Variants in GATA4 observed in about 807,000 individuals in gnomAD.
GATA4 encodes GATA binding protein 4.
GATA4 carries 7 observed loss-of-function variants against 37.9 expected under a neutral mutation model. The observed-to-expected ratio is 0.18, with a 90% CI of 0.11 to 0.35. The LOEUF (loss-of-function observed/expected upper bound fraction) is 0.35. Ranked by LOEUF, GATA4 falls within the 10% of genes least tolerant of loss-of-function variation. The pLI, the probability that GATA4 is intolerant of heterozygous loss-of-function variation, is 1.00. For synonymous variants in GATA4, 372 were observed against 292.6 expected (o/e 1.27, Z -2.77); for missense variants, 647 against 653.0 (o/e 0.99, Z 0.10).
intron 2 of GATA4, among the ~76,000 whole-genome samples, chr8:11,711,602 A>AC (rs753766144): frequency 4.6e-5 from 7 of 151,860 alleles, no homozygotes; most frequent in Non-Finnish European, 7.4e-5. Context: ...ACATAGTGAG[A>AC]CCCCATCCCT....
intron 1 of GATA4, among the ~76,000 whole-genome samples, chr8:11,687,163 AT>A (rs993222156): frequency 1.4e-4 from 22 of 152,050 alleles, no homozygotes; most frequent in African/African-American, 5.3e-4. Flanking sequence ...GAGGGAAGAG[AT>A]TTCCCTTGCC....
At chr8:11,710,782 GGAAAAGAGA>G (rs1415237227) in intron 2 of GATA4, among the ~76,000 whole-genome samples, 4 of 150,726 alleles carry the variant, frequency 2.7e-5, no homozygotes, top group Non-Finnish European at 5.9e-5. Context: ...GTTTGGTTAA[GGAAAAGAGA>G]GAAGTTAAAA....
In GATA4 at chr8:11,708,598, G is replaced by C; in HGVS notation, c.286G>C (p.Gly96Arg). Residue 96 changes from glycine to arginine, a missense_variant, in exon 2 of 7, where the codon GGA (glycine) becomes CGA (arginine). Transcript: ENST00000532059. This position sits in a 1 kb window ranked among gnomAD's most constrained non-coding sequence, Gnocchi z 6.7. Reference sequence around the variant, plus strand: ...GGGATGGAGCCAGGCGGGAGCCGACGGAGCCGCTTACACCCCGCCGCCGGT... The same window carrying C: ...GGGATGGAGCCAGGCGGGAGCCGACCGAGCCGCTTACACCCCGCCGCCGGT... ...SPGWSQAGAD[G>R]AAYTPPPVSP... 7.4e-7 allele frequency: 1 copy of C among 1,358,342 alleles called. No individual in the cohort carries two copies. The highest frequency in any genetic ancestry group is 1.9e-5 in the South Asian group (1 of 53,914). The allele number at this position is 1,358,342 out of a possible 1,614,324, so 84.1% of individuals were successfully genotyped here. A position where few individuals can be genotyped will look rare whatever the true frequency, so the allele number is the denominator to read the frequency against.
intron 2 of GATA4, among the ~76,000 whole-genome samples, chr8:11,742,970 G>A (rs1801827254): frequency 6.6e-6 from 1 of 152,240 alleles, no homozygotes; most frequent in African/African-American, 2.4e-5. Context: ...TGCCCAGTCT[G>A]GGCTGGGGTC....
intron 2 of GATA4, among the ~76,000 whole-genome samples, chr8:11,735,596 C>G (rs752650025): frequency 1.3e-5 from 2 of 152,122 alleles, no homozygotes; most frequent in Non-Finnish European, 2.9e-5. Context: ...GAGTTTTGCT[C>G]TTATTGCCCA....
chr8:11,699,528 A>G (rs541070698), upstream of GATA4, among the ~76,000 whole-genome samples: 1 of 152,360 alleles, frequency 6.6e-6, no homozygotes, highest in South Asian at 2.1e-4. Flanking sequence ...TCAGGCTGCC[A>G]TTGTCTCCAG....
rs532832460 is a variant in GATA4 at position 11,752,260 on chromosome 8, C to A, written c.912+2024C>A. On this transcript the variant is annotated intron_variant, in intron 4 of 6. Coordinates refer to ENST00000532059, the MANE Select transcript of GATA4 (RefSeq NM_001308093.3). ...ACAGACCAGTGGATGGGTGAACACA[C>A]ACACACAAATATACACGTATAGGTG... is the stretch of plus-strand genomic sequence containing the variant. Among the ~76,000 whole-genome samples the A allele has an allele frequency of 6.3e-4, 96 of 152,258 alleles. 1 individual carries two copies. Among genetic ancestry groups the A allele is most frequent in the African/African-American group, 2.3e-3 (95 of 41,542 alleles).
intron 2 of GATA4, among the ~76,000 whole-genome samples, chr8:11,712,920 C>T (rs1004657526): frequency 6.6e-5 from 10 of 152,024 alleles, no homozygotes; most frequent in African/African-American, 2.4e-4. Context: ...TTGTGTAGTA[C>T]CATGAAATAA....
intron 1 of GATA4, among the ~76,000 whole-genome samples, chr8:11,679,714 G>A (rs966387009): frequency 1.3e-5 from 2 of 152,204 alleles, no homozygotes; most frequent in African/African-American, 4.8e-5. Context: ...TCCTAGCCCT[G>A]CACTGAGGTT....
Position 11,708,534 on chromosome 8 carries a change from C to G in GATA4, c.222C>G (p.Ala74=). 3 of 1,443,890 alleles carry G rather than the reference C, an allele frequency of 2.1e-6. No individual in the cohort carries two copies. The highest frequency in any genetic ancestry group is 2.7e-6 in the Non-Finnish European group (3 of 1,105,820). 89.4% of individuals were successfully genotyped at this position (1,443,890 alleles called of 1,614,324 possible). Residue 74 remains alanine (A), a synonymous_variant, in exon 2 of 7, where the codon GCC becomes GCG. Transcript: ENST00000532059. This position sits in a 1 kb window ranked among gnomAD's most constrained non-coding sequence, Gnocchi z 6.7. ...CCTCGGGCGGCAGCTCCGGTGGGGC[C>G]GCGTCTGGTGCGGGGCCCGGGACCC... ...GGASGGSSGG[A]ASGAGPGTQQ...
intron 1 of GATA4, among the ~76,000 whole-genome samples, chr8:11,683,520 C>A (rs565713327): frequency 6.6e-6 from 1 of 152,138 alleles, no homozygotes; most frequent in South Asian, 2.1e-4. Flanking sequence ...CAACTTTCAC[C>A]GTATTCCTTG....
chr8:11,681,234 G>C, intron 1 of GATA4: 1 of 985,356 alleles, frequency 1.0e-6, no homozygotes, highest in Non-Finnish European at 1.2e-6. Flanking sequence ...TCGACGTTTG[G>C]GGACTTACAG....
intron 1 of GATA4, chr8:11,683,218 G>A: frequency 1.3e-6 from 1 of 790,016 alleles, no homozygotes. Context: ...GCATTTATCC[G>A]GAGCGGGGGA....
At chr8:11,684,384 G>C (rs933169557) in intron 1 of GATA4, among the ~76,000 whole-genome samples, 1 of 152,152 alleles carries the variant, frequency 6.6e-6, no homozygotes, top group African/African-American at 2.4e-5. Flanking sequence ...GCAGGAATGT[G>C]CTTCTCAAAA....
intron 1 of GATA4, among the ~76,000 whole-genome samples, chr8:11,695,439 G>C (rs2129997920): frequency 6.6e-6 from 1 of 152,248 alleles, no homozygotes; most frequent in African/African-American, 2.4e-5. Context: ...ATAAGAGCCA[G>C]AGTAATGGGT....
chr8:11,717,407 A>T (rs1233567293), intron 2 of GATA4, among the ~76,000 whole-genome samples: 1 of 152,184 alleles, frequency 6.6e-6, no homozygotes. Flanking sequence ...GATGCCAGGG[A>T]CTTTGAAGTC....
chr8:11,677,223 G>A (rs923764863), intron 1 of GATA4, among the ~76,000 whole-genome samples: 2 of 152,220 alleles, frequency 1.3e-5, no homozygotes, highest in Non-Finnish European at 2.9e-5. Context: ...GCGTGGGGCC[G>A]AGGCGGAGGC....
chr8:11,708,567 C>A lies in GATA4; in HGVS notation c.255C>A (p.Gly85=), dbSNP rs2130068923. 7.2e-7 allele frequency: 1 copy of A among 1,384,424 alleles called. No individual in the cohort carries two copies. The highest frequency in any genetic ancestry group is 1.7e-5 in the South Asian group (1 of 59,514). 85.8% of individuals were successfully genotyped at this position (1,384,424 alleles called of 1,614,324 possible). Residue 85 remains glycine, a synonymous_variant, in exon 2 of 7, where the codon GGC becomes GGA. Transcript: ENST00000532059. The surrounding 1 kb of genome is among the most constrained non-coding windows in gnomAD (Gnocchi z 6.7). ...ASGAGPGTQQ[G]SPGWSQAGAD... is the part of the protein sequence containing the mutation. ...GTGCGGGGCCCGGGACCCAGCAGGGCAGCCCGGGATGGAGCCAGGCGGGAG... is the reference window on the plus strand; with the variant it reads ...GTGCGGGGCCCGGGACCCAGCAGGGAAGCCCGGGATGGAGCCAGGCGGGAG...
At chr8:11,718,240 C>T (rs1800521862) in intron 2 of GATA4, among the ~76,000 whole-genome samples, 1 of 152,200 alleles carries the variant, frequency 6.6e-6, no homozygotes, top group East Asian at 1.9e-4. Flanking sequence ...TGGAAGTTTT[C>T]TTGTTTCTGG....
Sources: gnomAD v4.1 joint callset for allele counts (sites outside exome capture counted in the v4.1 genomes callset) on GRCh38, gnomAD v4.1.1 for gene constraint, Gnocchi (gnomAD v3.1) non-coding constraint, MANE v1.5 for transcripts, NCBI Gene and HGNC (gene_info 2026-07-23, HGNC 2026-07-21) for gene names.